XKR4: variants seen among roughly 807,000 people sequenced by gnomAD.
The protein encoded by XKR4 is XK-related protein 4.
Under a neutral mutation model 53.9 loss-of-function variants are expected in XKR4, and 12 were observed. The ratio of observed to expected loss-of-function variants is 0.22; its 90% CI spans 0.14 to 0.36. The LOEUF (loss-of-function observed/expected upper bound fraction) is 0.36, where lower values mean the gene tolerates loss of function less well. Among genes scored for constraint, XKR4 ranks in the 10% least tolerant of loss-of-function variants. The probability of loss-of-function intolerance (pLI) is 1.00; values close to 1 mark genes in which losing one functional copy is unlikely to be tolerated. For synonymous variants in XKR4, 354 were observed against 362.4 expected (o/e 0.98, Z 0.26); for missense variants, 799 against 859.5 (o/e 0.93, Z 0.88).
intron 2 of XKR4, among the ~76,000 whole-genome samples, chr8:55,466,887 C>T (rs1037944815): frequency 2.0e-5 from 3 of 152,104 alleles, no homozygotes; most frequent in Admixed American, 2.0e-4. Flanking sequence ...CAAGATTGGG[C>T]TAAGTTATTT....
At chr8:55,233,486 G>T (rs1383035240) in intron 1 of XKR4, among the ~76,000 whole-genome samples, 1 of 152,144 alleles carries the variant, frequency 6.6e-6, no homozygotes, top group African/African-American at 2.4e-5. Context: ...GGAAGGGCAT[G>T]GCCTCATGCC....
intron 2 of XKR4, among the ~76,000 whole-genome samples, chr8:55,397,807 G>C (rs1804544089): frequency 6.6e-6 from 1 of 152,136 alleles, no homozygotes; most frequent in Admixed American, 6.5e-5. Context: ...TCTTGGTCCA[G>C]TTTCAGATGC....
At chr8:55,461,301 G>A (rs187183259) in intron 2 of XKR4, among the ~76,000 whole-genome samples, 4 of 152,238 alleles carry the variant, frequency 2.6e-5, no homozygotes, top group African/African-American at 4.8e-5. Context: ...TCAGGCAGCA[G>A]CATTTGCAAT....
intron 2 of XKR4, among the ~76,000 whole-genome samples, chr8:55,379,300 G>A (rs1207062818): frequency 6.6e-6 from 1 of 152,122 alleles, no homozygotes; most frequent in Non-Finnish European, 1.5e-5. Flanking sequence ...GCTGTCAGGT[G>A]CTTCATAGTC....
intron 2 of XKR4, among the ~76,000 whole-genome samples, chr8:55,386,662 C>G (rs765245302): frequency 6.6e-6 from 1 of 152,240 alleles, no homozygotes; most frequent in Middle Eastern, 3.4e-3. Flanking sequence ...AATGTAGTAG[C>G]GAAGAGGAGA....
chr8:55,243,818 A>G (rs1818243872), intron 1 of XKR4, among the ~76,000 whole-genome samples: 1 of 152,196 alleles, frequency 6.6e-6, no homozygotes, highest in South Asian at 2.1e-4. Flanking sequence ...CTGCCAAGGG[A>G]CAACTGGAAG....
At chr8:55,295,935 A>C (rs1310148123) in intron 1 of XKR4, among the ~76,000 whole-genome samples, 1 of 152,206 alleles carries the variant, frequency 6.6e-6, no homozygotes, top group Non-Finnish European at 1.5e-5. Flanking sequence ...GAATAGCATA[A>C]AATGAAGATA....
At chr8:55,148,516 T>C (rs1816800016) in intron 1 of XKR4, among the ~76,000 whole-genome samples, 1 of 152,192 alleles carries the variant, frequency 6.6e-6, no homozygotes, top group Non-Finnish European at 1.5e-5. Flanking sequence ...AGACCTAGAA[T>C]GCAATGAGGG....
intron 2 of XKR4, among the ~76,000 whole-genome samples, chr8:55,359,024 C>T (rs1464659390): frequency 2.0e-5 from 3 of 152,140 alleles, no homozygotes; most frequent in South Asian, 2.1e-4. Flanking sequence ...GATTCCTGGC[C>T]CAACCCTAGT....
At chr8:55,168,149 T>C (rs1817096286) in intron 1 of XKR4, among the ~76,000 whole-genome samples, 1 of 152,208 alleles carries the variant, frequency 6.6e-6, no homozygotes, top group Non-Finnish European at 1.5e-5. Flanking sequence ...TAAATGATAG[T>C]CCAGTGAAAT....
In XKR4 at chr8:55,173,124, G is replaced by A. The variant is rs557414134; in HGVS notation, c.806+69830G>A. 2.6e-5 allele frequency among the ~76,000 whole-genome samples: 4 copies of A among 152,240 alleles called. No homozygotes were observed. In the East Asian group the frequency reaches 7.7e-4, roughly 29 times the overall value. On this transcript the variant is annotated intron_variant, in intron 1 of 2. Transcript: ENST00000327381. Reference sequence around the variant, plus strand: ...TTACTGCAAATGCTCACCCCTGGGAGCTGTCCTGCCCCCGATCTCCCACAC... The same window carrying A: ...TTACTGCAAATGCTCACCCCTGGGAACTGTCCTGCCCCCGATCTCCCACAC...
At chr8:55,510,151 T>A (rs1487806785) in intron 2 of XKR4, among the ~76,000 whole-genome samples, 1 of 151,920 alleles carries the variant, frequency 6.6e-6, no homozygotes, top group Non-Finnish European at 1.5e-5. Flanking sequence ...AGGTCAATAC[T>A]GCAAGAAGGC....
At chr8:55,222,636 T>C (rs537718504) in intron 1 of XKR4, among the ~76,000 whole-genome samples, 18 of 152,328 alleles carry the variant, frequency 1.2e-4, no homozygotes, top group African/African-American at 4.3e-4. Context: ...AAATGAAAGA[T>C]CCATAAAGGT....
At chr8:55,365,235 C>T (rs897171179) in intron 2 of XKR4, among the ~76,000 whole-genome samples, 3 of 152,184 alleles carry the variant, frequency 2.0e-5, no homozygotes, top group East Asian at 1.9e-4. Flanking sequence ...CGCTGGCTGC[C>T]GCTGGCCCTT....
intron 1 of XKR4, among the ~76,000 whole-genome samples, chr8:55,108,961 C>G (rs935783856): frequency 1.3e-5 from 2 of 152,010 alleles, no homozygotes; most frequent in South Asian, 4.1e-4. Context: ...GCTGATGGTA[C>G]TGAGGATGAT....
chr8:55,227,179 C>T (rs910354348), intron 1 of XKR4, among the ~76,000 whole-genome samples: 3 of 152,192 alleles, frequency 2.0e-5, no homozygotes, highest in African/African-American at 7.2e-5. Flanking sequence ...TGCGTTGTTC[C>T]CTACCCTATG....
chr8:55,407,512 G>T (rs1028824601), intron 2 of XKR4, among the ~76,000 whole-genome samples: 1 of 152,214 alleles, frequency 6.6e-6, no homozygotes, highest in East Asian at 1.9e-4. Flanking sequence ...GCACATTCAC[G>T]GGCCTGATGA....
intron 1 of XKR4, among the ~76,000 whole-genome samples, chr8:55,243,166 T>A (rs1585962472): frequency 6.6e-6 from 1 of 152,308 alleles, no homozygotes; most frequent in East Asian, 1.9e-4. Flanking sequence ...TTGTTACAGT[T>A]GACTAACCTG....
chr8:55,195,168 A>AC (rs1204478532), intron 1 of XKR4, among the ~76,000 whole-genome samples: 12 of 144,930 alleles, frequency 8.3e-5, no homozygotes, highest in Non-Finnish European at 1.2e-4. Context: ...TCCATGAACT[A>AC]ACTGGAAAAA....
Sources: allele counts gnomAD v4.1 joint callset (sites outside exome capture counted in the v4.1 genomes callset), GRCh38; gene constraint gnomAD v4.1.1; transcripts MANE v1.5; gene names NCBI Gene and HGNC (gene_info 2026-07-23, HGNC 2026-07-21).